Variants in DNAAF5 observed in about 807,000 individuals in gnomAD.
DNAAF5 encodes the protein HEAT repeat containing 2.
A neutral mutation model predicts 75.8 loss-of-function variants in DNAAF5; 64 were observed. The observed-to-expected ratio is 0.84, with a 90% confidence interval of 0.69 to 1.04. The LOEUF is 1.04. Ranked by LOEUF, DNAAF5 falls within the 50% of genes least tolerant of loss-of-function variation. The pLI is 0.00. For synonymous variants in DNAAF5, 657 were observed against 557.2 expected (o/e 1.18, Z -2.52); for missense variants, 1,269 against 1,178.5 (o/e 1.08, Z -1.12).
At chr7:781,769 C>T (rs1429022586) in intron 12 of DNAAF5, among the ~76,000 whole-genome samples, 1 of 152,236 alleles carries the variant, frequency 6.6e-6, no homozygotes, top group Non-Finnish European at 1.5e-5. Context: ...TTTCAGACGC[C>T]TGTTTGTCAT....
At chr7:758,090 C>G (rs557852545) in intron 6 of DNAAF5, among the ~76,000 whole-genome samples, 2 of 152,380 alleles carry the variant, frequency 1.3e-5, no homozygotes, top group East Asian at 3.9e-4. Context: ...GCCGCGTGCT[C>G]ATGGCATTTC....
At chr7:741,276 C>G in intron 3 of DNAAF5, 71 bp from the exon 4 acceptor site, 1 of 1,165,292 alleles carries the variant, frequency 8.6e-7, no homozygotes, top group Non-Finnish European at 1.2e-6. Context: ...TGACCCGTGT[C>G]CTGGCGCAGC....
At chr7:757,529 G>T (rs138416724) in intron 6 of DNAAF5, among the ~76,000 whole-genome samples, 1 of 152,238 alleles carries the variant, frequency 6.6e-6, no homozygotes, top group Non-Finnish European at 1.5e-5. Flanking sequence ...CTGGCGTTCC[G>T]ATCTGTGCTT....
rs1006628865 is a variant in DNAAF5, at chr7:755,847, C to T, written c.1258-935C>T. 8.5e-5 allele frequency among the ~76,000 whole-genome samples: 13 copies of T among 152,340 alleles called. No homozygotes were observed. In the East Asian group the frequency reaches 1.3e-3, roughly 16 times the overall value. On this transcript the variant is annotated intron_variant, in intron 5 of 12. Transcript: ENST00000297440. ...AAAACTACCGTGAATTTAAAATTGT[C>T]TGTAGTTCTCTGTGGAACCTACAGG...
At chr7:768,013 T>A (rs1229785657) in intron 8 of DNAAF5, among the ~76,000 whole-genome samples, 1 of 150,328 alleles carries the variant, frequency 6.7e-6, no homozygotes, top group Non-Finnish European at 1.5e-5. Context: ...GGCGGAAGTG[T>A]CCTTGCAGCG....
chr7:738,094 C>T (rs1781791865), intron 2 of DNAAF5, among the ~76,000 whole-genome samples: 1 of 152,136 alleles, frequency 6.6e-6, no homozygotes, highest in African/African-American at 2.4e-5. Context: ...ACATGTGCTT[C>T]ATTCTTTCTA....
intron 8 of DNAAF5, among the ~76,000 whole-genome samples, chr7:764,312 C>G (rs905522307): frequency 1.3e-5 from 2 of 152,188 alleles, no homozygotes; most frequent in Non-Finnish European, 2.9e-5. Context: ...CGCATGGGTG[C>G]TGTGTGTGTG....
At chr7:777,208 A>ATCTCACCCCGAAG (rs1778791214) in intron 11 of DNAAF5, among the ~76,000 whole-genome samples, 1 of 151,896 alleles carries the variant, frequency 6.6e-6, no homozygotes, top group East Asian at 1.9e-4. Flanking sequence ...TCATCCTGAA[A>ATCTCACCCCGAAG]CCATCTCACC....
chr7:731,802 G>A (rs1781593308), intron 2 of DNAAF5, among the ~76,000 whole-genome samples: 1 of 152,046 alleles, frequency 6.6e-6, no homozygotes, highest in South Asian at 2.1e-4. Context: ...TCCTATTAGA[G>A]ACCCTGCACG....
chr7:781,633 C>T (rs993513432), intron 12 of DNAAF5, among the ~76,000 whole-genome samples: 10 of 137,644 alleles, frequency 7.3e-5, no homozygotes, highest in Admixed American at 5.7e-4. Flanking sequence ...CCACCAGCAG[C>T]GTGAGGGTTC....
At chr7:767,348 A>C (rs1463599965) in intron 8 of DNAAF5, among the ~76,000 whole-genome samples, 2 of 151,760 alleles carry the variant, frequency 1.3e-5, no homozygotes, top group Non-Finnish European at 2.9e-5. Context: ...TGCTTTTGGA[A>C]AGCCGTGGGA....
intron 4 of DNAAF5, among the ~76,000 whole-genome samples, chr7:750,011 A>G (rs1782240425): frequency 6.6e-6 from 1 of 152,154 alleles, no homozygotes; most frequent in East Asian, 1.9e-4. Context: ...TGTCTGCTAT[A>G]ATATTAAGTA....
chr7:767,846 C>T (rs1249081197), intron 8 of DNAAF5, among the ~76,000 whole-genome samples: 3 of 148,894 alleles, frequency 2.0e-5, no homozygotes, highest in Non-Finnish European at 4.4e-5. Flanking sequence ...GTCCCTGCTG[C>T]GAGCAGGAGC....
intron 4 of DNAAF5, among the ~76,000 whole-genome samples, chr7:746,263 A>C: frequency 1.0e-5 from 1 of 95,428 alleles, no homozygotes; most frequent in African/African-American, 4.3e-5. Context: ...CGCTCTCCTT[A>C]CTGTCTTGCC....
intron 4 of DNAAF5, among the ~76,000 whole-genome samples, chr7:746,735 G>A (rs937224649): frequency 2.7e-5 from 4 of 147,588 alleles, no homozygotes; most frequent in Non-Finnish European, 6.0e-5. Context: ...CCGGGACCAC[G>A]CTGCATTCAC....
At position 754,437 on chromosome 7, in the gene DNAAF5, G is replaced by A; in HGVS notation, c.1025-152G>A. 1 of 720,334 alleles carries A rather than the reference G, an allele frequency of 1.4e-6. No homozygotes were observed. Among genetic ancestry groups the A allele is most frequent in the Non-Finnish European group, 2.5e-6 (1 of 407,778 alleles). The allele number at this position is 720,334 out of a possible 1,614,324, so 44.6% of individuals were successfully genotyped here. A position where few individuals can be genotyped will look rare whatever the true frequency, so the allele number is the denominator to read the frequency against. On this transcript the variant is annotated intron_variant, in intron 4 of 12. Coordinates refer to ENST00000297440, the MANE Select transcript of DNAAF5 (RefSeq NM_017802.4). The surrounding 1 kb of genome is among the most constrained non-coding windows in gnomAD (Gnocchi z 4.8). Reference sequence around the variant, plus strand: ...GCCTCTGTGAATGTTCTGAACGACGGGGCATTTGTCAGCTTTGCGTCCACC... The same window carrying A: ...GCCTCTGTGAATGTTCTGAACGACGAGGCATTTGTCAGCTTTGCGTCCACC...
chr7:785,575 C>A lies in DNAAF5; in HGVS notation c.2490C>A (p.Ala830=). The change falls in exon 13 of 13, where the codon GCC becomes GCA. Residue 830 remains alanine (A), a synonymous_variant. Coordinates refer to ENST00000297440, the MANE Select transcript of DNAAF5 (RefSeq NM_017802.4). ...FPDLLVRETE[A]VIHKHRSATY... ...ATCTCCTGGTGAGGGAGACGGAGGC[C>A]GTCATCCACAAGCACCGCTCGGCCA... 6.2e-7 allele frequency: 1 copy of A among 1,613,380 alleles called. No homozygotes were observed. The highest frequency in any genetic ancestry group is 1.3e-5 in the African/African-American group (1 of 75,050).
intron 2 of DNAAF5, chr7:732,428 C>T (rs185428614): frequency 7.1e-6 from 3 of 424,658 alleles, no homozygotes; most frequent in East Asian, 1.4e-4. Flanking sequence ...CCCTGGTTGT[C>T]GCCAGGCCTG....
In DNAAF5 at chr7:735,760, A is replaced by AT. The variant is rs373409491; in HGVS notation, c.781-5051dup. ...ACTGTTCATTTTGTTGGTCTTTTGT[A>AT]TTTTTTTTAATTTCAATTTCATTTA... On this transcript the variant is annotated intron_variant, in intron 2 of 12. Coordinates refer to ENST00000297440, the MANE Select transcript of DNAAF5 (RefSeq NM_017802.4). Among the ~76,000 whole-genome samples the AT allele has an allele frequency of 3.6e-3, 541 of 151,130 alleles. 7 individuals carry two copies. Among genetic ancestry groups the AT allele is most frequent in the African/African-American group, 0.013 (519 of 41,166 alleles).
Sources: allele counts gnomAD v4.1 joint callset (sites outside exome capture counted in the v4.1 genomes callset), GRCh38; gene constraint gnomAD v4.1.1; non-coding constraint Gnocchi (gnomAD v3.1); transcripts MANE v1.5; gene names NCBI Gene and HGNC (gene_info 2026-07-23, HGNC 2026-07-21).